VPS53: variants seen among roughly 807,000 people sequenced by gnomAD.
VPS53 encodes vacuolar protein sorting-associated protein 53 homolog.
VPS53 carries 70 observed loss-of-function variants against 107.0 expected under a neutral mutation model. That is an observed-to-expected ratio of 0.65 (90% confidence interval 0.54 to 0.80). The LOEUF is 0.80. Among genes scored for constraint, VPS53 ranks in the 30% least tolerant of loss-of-function variants. VPS53 has a pLI of 0.00. For missense variants in VPS53, 917 were observed against 1,049.4 expected (o/e 0.87, Z 1.74); for synonymous variants, 409 against 393.3 (o/e 1.04, Z -0.47).
At chr17:626,371 T>C (rs1261981701) in intron 10 of VPS53, among the ~76,000 whole-genome samples, 1 of 152,182 alleles carries the variant, frequency 6.6e-6, no homozygotes, top group Non-Finnish European at 1.5e-5. Context: ...TTAAAATGCT[T>C]GGAAAGCTCA....
At chr17:678,887 C>T (rs1186653822) in intron 4 of VPS53, among the ~76,000 whole-genome samples, 1 of 151,382 alleles carries the variant, frequency 6.6e-6, no homozygotes, top group East Asian at 2.0e-4. Context: ...GATCTGCCCG[C>T]CTCGGCCTCC....
chr17:527,556 C>T (rs932480925), intron 19 of VPS53, among the ~76,000 whole-genome samples: 3 of 152,190 alleles, frequency 2.0e-5, no homozygotes, highest in Non-Finnish European at 4.4e-5. Flanking sequence ...TCTACCAGCA[C>T]ATATGAAAGT....
At chr17:697,316 A>T (rs1973008795) in intron 4 of VPS53, 102 bp downstream of exon 4, 2 of 967,996 alleles carry the variant, frequency 2.1e-6, no homozygotes, top group Non-Finnish European at 3.3e-6. Flanking sequence ...GAAACGGATC[A>T]ATCGGAAAGT....
chr17:688,162 C>G (rs530122018), intron 4 of VPS53, among the ~76,000 whole-genome samples: 26 of 152,192 alleles, frequency 1.7e-4, no homozygotes, highest in Admixed American at 3.3e-4. Context: ...TGGCTGTGTC[C>G]CCACCCAAAT....
intron 13 of VPS53, among the ~76,000 whole-genome samples, chr17:563,060 C>A (rs1485071686): frequency 6.6e-6 from 1 of 152,104 alleles, no homozygotes; most frequent in African/African-American, 2.4e-5. Flanking sequence ...ACTGGTCCCG[C>A]TAAAAGATGA....
chr17:704,343 C>A (rs138580327), intron 2 of VPS53, among the ~76,000 whole-genome samples: 3 of 152,250 alleles, frequency 2.0e-5, no homozygotes, highest in African/African-American at 7.2e-5. Context: ...CGCAGACACA[C>A]AAGTACTTCC....
At chr17:597,161 C>G (rs1156482737) in intron 12 of VPS53, among the ~76,000 whole-genome samples, 1 of 152,184 alleles carries the variant, frequency 6.6e-6, no homozygotes, top group Non-Finnish European at 1.5e-5. Flanking sequence ...CTCTTCTCAG[C>G]AGCGAGGCGT....
At chr17:603,244 T>C (rs1414939709) in intron 11 of VPS53, among the ~76,000 whole-genome samples, 1 of 151,972 alleles carries the variant, frequency 6.6e-6, no homozygotes, top group Non-Finnish European at 1.5e-5. Flanking sequence ...AACAACATGG[T>C]GAAAGCCTGT....
chr17:688,121 G>C (rs1170547871), intron 4 of VPS53, among the ~76,000 whole-genome samples: 1 of 152,070 alleles, frequency 6.6e-6, no homozygotes, highest in Non-Finnish European at 1.5e-5. Flanking sequence ...ATGTCTCCCT[G>C]CCAAAAAAGC....
rs899129574 is a variant in VPS53 at position 508,686 on chromosome 17, T to G, written c.*10442A>C. On this transcript the variant is annotated 3_prime_UTR_variant, in exon 22 of 22. Transcript: ENST00000437048. ...ACAAGGAGCCTGTTACCATCTCTGTTTAATTGAAGAGCCTCTACCATTGCA... is the reference window on the plus strand; with the variant it reads ...ACAAGGAGCCTGTTACCATCTCTGTGTAATTGAAGAGCCTCTACCATTGCA... The G allele has an allele frequency of 2.0e-5, 3 of 152,176 alleles. No individual in the cohort carries two copies. The highest frequency in any genetic ancestry group is 7.2e-5 in the African/African-American group (3 of 41,446). 9.4% of individuals were successfully genotyped at this position (152,176 alleles called of 1,614,324 possible).
At chr17:630,907 T>C (rs1420919522) in intron 8 of VPS53, among the ~76,000 whole-genome samples, 1 of 152,256 alleles carries the variant, frequency 6.6e-6, no homozygotes, top group East Asian at 1.9e-4. Context: ...GTCCGACACA[T>C]GCTAGGCGCT....
intron 13 of VPS53, among the ~76,000 whole-genome samples, chr17:564,321 A>T (rs1227787884): frequency 6.9e-6 from 1 of 145,402 alleles, no homozygotes; most frequent in Non-Finnish European, 1.5e-5. Flanking sequence ...CAGGCGGATC[A>T]CAAGGTCAGG....
chr17:581,063 T>A (rs1220718494), intron 13 of VPS53, among the ~76,000 whole-genome samples: 1 of 150,036 alleles, frequency 6.7e-6, no homozygotes, highest in African/African-American at 2.5e-5. Context: ...ACTCAAGACC[T>A]AATGTGTTCC....
rs897753277 is a variant in VPS53 at position 573,425 on chromosome 17, T to C, written c.1314-10680A>G. Among the ~76,000 whole-genome samples the C allele has an allele frequency of 1.3e-5, 2 of 152,226 alleles. 1 individual carries two copies. Among genetic ancestry groups the C allele is most frequent in the Non-Finnish European group, 2.9e-5 (2 of 68,030 alleles). Reference sequence around the variant, plus strand: ...GGCTCTGCAGTCCTCCTACTGCTACTTGGCTTTTGGCTGGGGCAGATGCTG... The same window carrying C: ...GGCTCTGCAGTCCTCCTACTGCTACCTGGCTTTTGGCTGGGGCAGATGCTG... On this transcript the variant is annotated intron_variant, in intron 13 of 21. Coordinates refer to ENST00000437048, the MANE Select transcript of VPS53 (RefSeq NM_001128159.3).
At chr17:661,022 C>A (rs1338954160) in intron 5 of VPS53, among the ~76,000 whole-genome samples, 7 of 152,046 alleles carry the variant, frequency 4.6e-5, no homozygotes, top group African/African-American at 1.2e-4. Flanking sequence ...CAGGGGAGAA[C>A]TCAACCAAAA....
At chr17:694,168 T>A (rs1972867435) in intron 4 of VPS53, among the ~76,000 whole-genome samples, 1 of 152,238 alleles carries the variant, frequency 6.6e-6, no homozygotes, top group Non-Finnish European at 1.5e-5. Context: ...TCTTCTGGGC[T>A]TCCTTTCTGT....
intron 4 of VPS53, among the ~76,000 whole-genome samples, chr17:694,986 T>C (rs886813003): frequency 6.6e-6 from 1 of 152,236 alleles, no homozygotes; most frequent in Non-Finnish European, 1.5e-5. Flanking sequence ...ATTACAGGCA[T>C]GAGCCATTGT....
chr17:680,074 A>C (rs1972329112), intron 4 of VPS53, among the ~76,000 whole-genome samples: 1 of 152,176 alleles, frequency 6.6e-6, no homozygotes, highest in African/African-American at 2.4e-5. Context: ...TGGGTGAATC[A>C]TTTCAGGTCA....
At chr17:674,493 T>G (rs950586866) in intron 4 of VPS53, 1 of 152,252 alleles carries the variant, frequency 6.6e-6, no homozygotes, top group African/African-American at 2.4e-5. Flanking sequence ...TTCATCTGTG[T>G]GATTTTTTTC....
Sources: allele counts gnomAD v4.1 joint callset (sites outside exome capture counted in the v4.1 genomes callset), GRCh38; gene constraint gnomAD v4.1.1; transcripts MANE v1.5; gene names NCBI Gene and HGNC (gene_info 2026-07-23, HGNC 2026-07-21).